The following AGBL4 variants were observed in gnomAD, a reference collection of about 807,000 sequenced individuals.
AGBL4 encodes AGBL carboxypeptidase 4.
Under a neutral mutation model 66.4 loss-of-function variants are expected in AGBL4, and 58 were observed. The ratio of observed to expected loss-of-function variants is 0.87; its 90% CI spans 0.71 to 1.09. The LOEUF (loss-of-function observed/expected upper bound fraction) is 1.09, where lower values mean the gene tolerates loss of function less well. AGBL4 is among the 50% of genes least tolerant of loss of function. The probability of loss-of-function intolerance (pLI) is 0.00; values close to 1 mark genes in which losing one functional copy is unlikely to be tolerated. For missense variants in AGBL4, 579 were observed against 631.0 expected (o/e 0.92, Z 0.88); for synonymous variants, 234 against 222.9 (o/e 1.05, Z -0.44).
downstream of AGBL4, among the ~76,000 whole-genome samples, chr1:48,528,505 G>A (rs969965275): frequency 2.0e-5 from 3 of 152,022 alleles, no homozygotes; most frequent in Admixed American, 1.3e-4. Context: ...TGACTTGTTC[G>A]GGCTTAGTGT....
In AGBL4 at chr1:49,060,542, G is replaced by A. The variant is rs146652207; in HGVS notation, c.378-14742C>T. 3.9e-4 allele frequency among the ~76,000 whole-genome samples: 60 copies of A among 152,202 alleles called. 1 individual carries two copies. The highest frequency in any genetic ancestry group is 1.1e-3 in the African/African-American group (45 of 41,526). ...AGGAGCCACTGTTAGATTTTTCAGC[G>A]TGTAGACATAGACCTAAGCCTGGTT... On this transcript the variant is annotated intron_variant, in intron 4 of 13. Coordinates refer to ENST00000371839, the MANE Select transcript of AGBL4 (RefSeq NM_032785.4).
At chr1:49,350,296 C>T (rs1570494918) in intron 3 of AGBL4, among the ~76,000 whole-genome samples, 1 of 150,100 alleles carries the variant, frequency 6.7e-6, no homozygotes, top group Admixed American at 6.6e-5. Flanking sequence ...CTCCGCCTCC[C>T]GGGTTCACGC....
intron 1 of AGBL4, among the ~76,000 whole-genome samples, chr1:49,963,391 T>C (rs1351269644): frequency 6.6e-6 from 1 of 152,116 alleles, no homozygotes; most frequent in African/African-American, 2.4e-5. Context: ...GTGACTGAAC[T>C]GGGAACACCA....
chr1:49,863,272 T>C (rs772059788), intron 1 of AGBL4, among the ~76,000 whole-genome samples: 1 of 152,114 alleles, frequency 6.6e-6, no homozygotes, highest in Non-Finnish European at 1.5e-5. Context: ...TCTCACCATA[T>C]ACAAAAAATC....
chr1:48,721,491 G>T (rs1242826933), intron 6 of AGBL4, among the ~76,000 whole-genome samples: 2 of 152,208 alleles, frequency 1.3e-5, no homozygotes, highest in Non-Finnish European at 2.9e-5. Flanking sequence ...GTGGGGTCCA[G>T]TGTGACTGTT....
intron 3 of AGBL4, among the ~76,000 whole-genome samples, chr1:49,484,916 TTATAAA>T (rs1481609531): frequency 1.3e-5 from 2 of 151,788 alleles, no homozygotes; most frequent in African/African-American, 2.4e-5. Flanking sequence ...TTAAAAATCT[TTATAAA>T]TGTAAAAGAA....
intron 3 of AGBL4, among the ~76,000 whole-genome samples, chr1:49,357,772 T>G (rs1644049997): frequency 6.6e-6 from 1 of 152,138 alleles, no homozygotes; most frequent in Non-Finnish European, 1.5e-5. Flanking sequence ...TCGTGAAAAA[T>G]AAGGAGAAAC....
chr1:49,448,086 C>A (rs985671115), intron 3 of AGBL4, among the ~76,000 whole-genome samples: 1 of 152,068 alleles, frequency 6.6e-6, no homozygotes, highest in Non-Finnish European at 1.5e-5. Context: ...ATGAGACCAT[C>A]ATGGAGGCCA....
rs1413148968 is a variant in AGBL4 at position 49,997,571 on chromosome 1, C to A, written c.34+26192G>T. ...CATTTATAAACCAATTACTACTAGA[C>A]CTAAGAAATGAGATAGACATGAACA... is the stretch of plus-strand genomic sequence containing the variant. On this transcript the variant is annotated intron_variant, in intron 1 of 13. Transcript: ENST00000371839. Among the ~76,000 whole-genome samples the A allele has an allele frequency of 3.3e-5, 5 of 151,948 alleles. No homozygotes were observed. The East Asian group carries it at 9.6e-4, about 29-fold the overall frequency.
chr1:49,818,637 G>A (rs977639376), intron 2 of AGBL4, among the ~76,000 whole-genome samples: 30 of 152,018 alleles, frequency 2.0e-4, no homozygotes, highest in African/African-American at 5.3e-4. Context: ...AGAGTGCTGC[G>A]ATAATCACAT....
intron 6 of AGBL4, among the ~76,000 whole-genome samples, chr1:48,828,202 A>G (rs1260399938): frequency 1.3e-5 from 2 of 149,438 alleles, no homozygotes; most frequent in Non-Finnish European, 3.0e-5. Flanking sequence ...AAAAAAAAAG[A>G]AAAAAAGAAA....
At chr1:49,954,879 C>T (rs961609703) in intron 1 of AGBL4, among the ~76,000 whole-genome samples, 3 of 151,832 alleles carry the variant, frequency 2.0e-5, no homozygotes, top group African/African-American at 7.3e-5. Flanking sequence ...GAGGCTATAC[C>T]TACTACATGC....
intron 3 of AGBL4, among the ~76,000 whole-genome samples, chr1:49,562,388 C>T (rs913027090): frequency 6.6e-6 from 1 of 152,118 alleles, no homozygotes; most frequent in Non-Finnish European, 1.5e-5. Context: ...TTGCCCATGC[C>T]TATGTCCTGA....
intron 1 of AGBL4, among the ~76,000 whole-genome samples, chr1:49,877,607 G>A (rs1236261537): frequency 6.6e-6 from 1 of 151,984 alleles, no homozygotes; most frequent in Non-Finnish European, 1.5e-5. Flanking sequence ...CAAGGATATT[G>A]GTCTAAAATT....
intron 3 of AGBL4, among the ~76,000 whole-genome samples, chr1:49,302,614 TTTTATTTTA>T (rs1353388495): frequency 2.7e-4 from 21 of 78,034 alleles, no homozygotes; most frequent in African/African-American, 2.3e-3. Flanking sequence ...TATTTTTTTA[TTTTATTTTA>T]TTTTATTTTA....
At chr1:49,147,049 G>T (rs924393377) in intron 4 of AGBL4, among the ~76,000 whole-genome samples, 1 of 152,208 alleles carries the variant, frequency 6.6e-6, no homozygotes, top group East Asian at 1.9e-4. Context: ...CAGGCTCAGT[G>T]AGGGAGGCGA....
chr1:49,618,301 G>T (rs1190042721), intron 3 of AGBL4, among the ~76,000 whole-genome samples: 4 of 152,116 alleles, frequency 2.6e-5, no homozygotes, highest in African/African-American at 7.2e-5. Context: ...TGCAAACAGT[G>T]CTGCAATAAA....
chr1:48,976,844 C>CA, intron 5 of AGBL4, among the ~76,000 whole-genome samples: 1 of 151,730 alleles, frequency 6.6e-6, no homozygotes, highest in East Asian at 1.9e-4. Context: ...GACCATCCCA[C>CA]CTAAAGTTGC....
chr1:48,877,631 A>G (rs1649351467), intron 5 of AGBL4, among the ~76,000 whole-genome samples: 1 of 152,194 alleles, frequency 6.6e-6, no homozygotes, highest in Non-Finnish European at 1.5e-5. Context: ...AGGCAAAATT[A>G]GATGATACTA....
Sources: allele counts gnomAD v4.1 joint callset (sites outside exome capture counted in the v4.1 genomes callset), GRCh38; gene constraint gnomAD v4.1.1; transcripts MANE v1.5; gene names NCBI Gene and HGNC (gene_info 2026-07-23, HGNC 2026-07-21).